The following EIF2AK4 variants were observed in gnomAD, a reference collection of about 807,000 sequenced individuals.
EIF2AK4 encodes the protein eukaryotic translation initiation factor 2 alpha kinase 4.
EIF2AK4 carries 139 observed loss-of-function variants against 211.1 expected under a neutral mutation model. The ratio of observed to expected loss-of-function variants is 0.66; its 90% CI spans 0.57 to 0.76. The LOEUF is 0.76. EIF2AK4 is among the 30% of genes least tolerant of loss of function. The pLI, the probability that EIF2AK4 is intolerant of heterozygous loss-of-function variation, is 0.00. For synonymous variants in EIF2AK4, 710 were observed against 751.3 expected (o/e 0.94, Z 0.90); for missense variants, 1,664 against 2,043.8 (o/e 0.81, Z 3.58).
chr15:40,034,875 C>CA, intron 38 of EIF2AK4, 152 bp from the exon 39 acceptor site: 1 of 557,082 alleles, frequency 1.8e-6, no homozygotes. Flanking sequence ...GTCAGTCACA[C>CA]CTTGTATAAA....
At position 40,030,281 on chromosome 15, in the gene EIF2AK4, C is replaced by G; in HGVS notation, c.4562-78C>G. 2.9e-6 allele frequency: 4 copies of G among 1,387,080 alleles called. No individual in the cohort carries two copies. The Admixed American group carries it at 7.8e-5, about 27-fold the overall frequency. 85.9% of individuals were successfully genotyped at this position (1,387,080 alleles called of 1,614,324 possible). A position where few individuals can be genotyped will look rare whatever the true frequency, so the allele number is the denominator to read the frequency against. ...TCACGACAGGATGTCTACTAATAAACTCTGCCATCTCTCTGTAGTATGTTG... is the reference window on the plus strand; with the variant it reads ...TCACGACAGGATGTCTACTAATAAAGTCTGCCATCTCTCTGTAGTATGTTG... On this transcript the variant is annotated intron_variant, in intron 34 of 38. Transcript: ENST00000263791.
chr15:39,990,004 T>G (rs2034920459), intron 15 of EIF2AK4, among the ~76,000 whole-genome samples: 1 of 152,178 alleles, frequency 6.6e-6, no homozygotes, highest in Admixed American at 6.5e-5. Context: ...TAAGGGTAAC[T>G]TGGTGAACCC....
At chr15:39,990,577 CT>C (rs1324444529) in intron 16 of EIF2AK4, among the ~76,000 whole-genome samples, 200 bp downstream of exon 16, 1 of 152,140 alleles carries the variant, frequency 6.6e-6, no homozygotes, top group Non-Finnish European at 1.5e-5. Context: ...GTGCATTCCA[CT>C]TGAGGGACAC....
intron 16 of EIF2AK4, 42 bp downstream of exon 16, chr15:39,990,419 A>G (rs371528634): frequency 1.9e-4 from 280 of 1,512,722 alleles, no homozygotes; most frequent in Middle Eastern, 1.5e-3. Context: ...AAACAGACTC[A>G]GATGTCTTGA....
chr15:39,979,054 G>A (rs2034742543), intron 13 of EIF2AK4, among the ~76,000 whole-genome samples: 1 of 152,206 alleles, frequency 6.6e-6, no homozygotes, highest in South Asian at 2.1e-4. Flanking sequence ...GACTAAGTCT[G>A]TGCCTGGTAA....
intron 31 of EIF2AK4, chr15:40,021,896 T>C (rs2035392738): frequency 6.6e-6 from 1 of 152,418 alleles, no homozygotes; most frequent in African/African-American, 2.4e-5. Flanking sequence ...TGCTGTTTAC[T>C]CGTGTGTGTG....
chr15:39,969,226 T>A (rs2034587096), intron 9 of EIF2AK4, among the ~76,000 whole-genome samples: 1 of 152,128 alleles, frequency 6.6e-6, no homozygotes, highest in Non-Finnish European at 1.5e-5. Flanking sequence ...GAGGTTTAAG[T>A]AGAAGTACCT....
At chr15:40,020,805 T>C in intron 30 of EIF2AK4, 94 bp from the exon 31 acceptor site, 1 of 1,147,708 alleles carries the variant, frequency 8.7e-7, no homozygotes, top group South Asian at 2.5e-5. Context: ...AATGCCCATC[T>C]TCCCAAGAGT....
At chr15:40,009,873 G>A in intron 26 of EIF2AK4, 143 bp downstream of exon 26, 1 of 644,606 alleles carries the variant, frequency 1.6e-6, no homozygotes, top group Non-Finnish European at 2.7e-6. Flanking sequence ...GCTCTAAATT[G>A]AAAGAACCAA....
chr15:39,975,429 A>G (rs2140917847), intron 11 of EIF2AK4: 1 of 152,354 alleles, frequency 6.6e-6, no homozygotes, highest in East Asian at 1.9e-4. Context: ...AAACAAGAGA[A>G]TGATATTCTG....
chr15:39,959,594 A>G (rs1256219607), intron 6 of EIF2AK4, among the ~76,000 whole-genome samples: 1 of 152,192 alleles, frequency 6.6e-6, no homozygotes, highest in East Asian at 1.9e-4. Flanking sequence ...TTCACATTCT[A>G]AAACTCCTTA....
intron 3 of EIF2AK4, among the ~76,000 whole-genome samples, chr15:39,946,166 A>G (rs1422693533): frequency 6.6e-6 from 1 of 152,366 alleles, no homozygotes; most frequent in East Asian, 1.9e-4. Context: ...TGCCATAGAT[A>G]GTGATTCATT....
At position 40,011,303 on chromosome 15, in the gene EIF2AK4, A is replaced by T; in HGVS notation, c.3716A>T (p.Glu1239Val). The change falls in exon 27 of 39, where the codon GAA becomes GTA. Residue 1239 changes from glutamate to valine, a missense_variant. By Grantham distance (121) the Glu-to-Val change is moderately radical (BLOSUM62 -2). Coordinates refer to ENST00000263791, the MANE Select transcript of EIF2AK4 (RefSeq NM_001013703.4). ...DAVTEKLTRR[E>V]VEAKFCNLSL... Reference sequence around the variant, plus strand: ...TAGACAGAGAAGCTGACGAGGAGAGAAGTGGAAGCTAAATTTTGTAATCTG... The same window carrying T: ...TAGACAGAGAAGCTGACGAGGAGAGTAGTGGAAGCTAAATTTTGTAATCTG... 1 of 1,613,850 alleles carries T rather than the reference A, an allele frequency of 6.2e-7. No individual in the cohort carries two copies. Among genetic ancestry groups the T allele is most frequent in the Non-Finnish European group, 8.5e-7 (1 of 1,179,872 alleles).
rs922734815 is a variant in EIF2AK4, at chr15:39,934,242, C to T, written c.47C>T (p.Pro16Leu). 17 of 1,607,256 alleles carry T rather than the reference C, an allele frequency of 1.1e-5. No individual in the cohort carries two copies. The highest frequency in any genetic ancestry group is 1.4e-5 in the Non-Finnish European group (16 of 1,177,400). The change falls in exon 1 of 39, where the codon CCG (proline) becomes CTG (leucine). Residue 16 changes from proline (P) to leucine (L), a missense_variant. Around this residue, in one of 7 missense-constraint regions of EIF2AK4, gnomAD observed 641 missense variants for 729.6 expected, o/e 0.88. Transcript: ENST00000263791. ...GAPGRGRDEPPESYPQRQDHE... is the reference protein window; with the variant it reads ...GAPGRGRDEPLESYPQRQDHE... ...CCCGGGCGCGGCCGGGACGAGCCTC[C>T]GGAGAGCTACCCGCAACGACAGGAC... is the stretch of plus-strand genomic sequence containing the variant.
chr15:40,022,231 A>G, intron 31 of EIF2AK4: 2 of 193,848 alleles, frequency 1.0e-5, no homozygotes, highest in South Asian at 7.4e-5. Flanking sequence ...GTGTTGTATA[A>G]TTTTGGGCAT....
chr15:39,972,403 TG>T (rs1459998154), intron 9 of EIF2AK4, among the ~76,000 whole-genome samples: 2 of 151,432 alleles, frequency 1.3e-5, no homozygotes. Flanking sequence ...CAATAGAATA[TG>T]GGACTTTAAA....
chr15:39,951,954 CT>C (rs2034324354), intron 4 of EIF2AK4, among the ~76,000 whole-genome samples: 1 of 152,216 alleles, frequency 6.6e-6, no homozygotes, highest in Admixed American at 6.5e-5. Context: ...TTCAACTCAT[CT>C]GTTTTTTCTT....
At chr15:39,989,616 G>A (rs1049209137) in intron 15 of EIF2AK4, among the ~76,000 whole-genome samples, 1 of 152,168 alleles carries the variant, frequency 6.6e-6, no homozygotes, top group Non-Finnish European at 1.5e-5. Context: ...TGTGTGTCCC[G>A]TGCTTGAGAG....
intron 7 of EIF2AK4, among the ~76,000 whole-genome samples, chr15:39,964,187 G>C (rs1306622878): frequency 6.6e-6 from 1 of 152,120 alleles, no homozygotes; most frequent in Non-Finnish European, 1.5e-5. Context: ...AAGTGAGCTA[G>C]TTCAGCCATA....
Sources: allele counts gnomAD v4.1 joint callset (sites outside exome capture counted in the v4.1 genomes callset), GRCh38; gene constraint gnomAD v4.1.1; regional missense constraint gnomAD v4.1.1; transcripts MANE v1.5; gene names NCBI Gene and HGNC (gene_info 2026-07-23, HGNC 2026-07-21).